Variants in DPY19L3 observed in about 807,000 individuals in gnomAD.
DPY19L3 encodes the protein dpy-19 like C-mannosyltransferase 3.
In DPY19L3, 51 loss-of-function variants were observed where a neutral mutation model predicts 92.3. The observed-to-expected ratio is 0.55, with a 90% CI of 0.44 to 0.70. The LOEUF is 0.70. Among genes scored for constraint, DPY19L3 ranks in the 30% least tolerant of loss-of-function variants. The pLI is 0.00. For synonymous variants in DPY19L3, 309 were observed against 315.2 expected, an observed-to-expected ratio of 0.98 and a Z score of 0.21; for missense variants, 706 against 855.9, an observed-to-expected ratio of 0.82 and a Z score of 2.18.
Position 32,432,817 on chromosome 19 carries a change from C to G in DPY19L3, c.328+11C>G. 6.2e-7 allele frequency: 1 copy of G among 1,612,060 alleles called. No homozygotes were observed. Among genetic ancestry groups the G allele is most frequent in the Admixed American group, 1.7e-5 (1 of 59,920 alleles). ...CAACCCTCGTGCAAGGTAATTACAACTGATAGTTTCATTTGGGGTCTCCTG... is the reference window on the plus strand; with the variant it reads ...CAACCCTCGTGCAAGGTAATTACAAGTGATAGTTTCATTTGGGGTCTCCTG... On this transcript the variant is annotated intron_variant, in intron 4 of 18. Coordinates refer to ENST00000392250, the MANE Select transcript of DPY19L3 (RefSeq NM_001172774.2).
In DPY19L3 at chr19:32,482,246, A is replaced by G; in HGVS notation, c.*6A>G. ...AGCTGTCCAGAAACAAGTAGCGCAG[A>G]TTTCTGCCCAGTGTCTATTTTTGAT... On this transcript the variant is annotated 3_prime_UTR_variant, in exon 19 of 19. Coordinates refer to ENST00000392250, the MANE Select transcript of DPY19L3 (RefSeq NM_001172774.2). The G allele has an allele frequency of 6.2e-7, 1 of 1,606,314 alleles. No homozygotes were observed. Among genetic ancestry groups the G allele is most frequent in the Non-Finnish European group, 8.5e-7 (1 of 1,177,676 alleles).
At chr19:32,432,470 T>G (rs1243612965) in intron 3 of DPY19L3, among the ~76,000 whole-genome samples, 1 of 152,132 alleles carries the variant, frequency 6.6e-6, no homozygotes, top group Non-Finnish European at 1.5e-5. Flanking sequence ...TGGTGATGTA[T>G]TCTTTAAAAT....
intron 12 of DPY19L3, among the ~76,000 whole-genome samples, chr19:32,462,295 AG>A (rs898014418): frequency 5.9e-5 from 9 of 152,194 alleles, no homozygotes; most frequent in African/African-American, 2.2e-4. Context: ...CACAGGACCA[AG>A]GGATGATGAT....
chr19:32,477,584 T>C lies in DPY19L3; in HGVS notation c.1760T>C (p.Leu587Pro). Residue 587 changes from leucine (L) to proline (P), a missense_variant, in exon 17 of 19, where the codon CTG (leucine) becomes CCG (proline). Transcript: ENST00000392250. ...ATGCAGTTGCTGGCCGGAGTCAAGC[T>C]GTGCACGGGAAGGACCCTAACCAAC... is the stretch of plus-strand genomic sequence containing the variant. The part of the protein sequence containing the change: ...GSMQLLAGVK[L>P]CTGRTLTNHP... 6.2e-7 allele frequency: 1 copy of C among 1,614,144 alleles called. No homozygotes were observed. The highest frequency in any genetic ancestry group is 8.5e-7 in the Non-Finnish European group (1 of 1,180,024).
In DPY19L3 at chr19:32,463,483, A is replaced by G; in HGVS notation, c.1440A>G (p.Thr480=). The change falls in exon 13 of 19, where the codon ACA becomes ACG. Residue 480 remains threonine (T), a synonymous_variant. Transcript: ENST00000392250. The stretch of plus-strand genomic sequence containing the variant: ...TGTTTGGATTCTTGGCATTGAGTAC[A>G]ATGAGGTATTTTTGTCTTACCTGTT... The part of the protein sequence containing the change: ...TILFGFLALS[T]MRMKYLWTSH... 4.3e-6 allele frequency: 7 copies of G among 1,612,288 alleles called. No homozygotes were observed. The highest frequency in any genetic ancestry group is 5.1e-6 in the Non-Finnish European group (6 of 1,179,116).
rs770947795 is a variant in DPY19L3, at chr19:32,484,558, C to T, written c.*2318C>T. The T allele has an allele frequency of 6.6e-6, 1 of 152,114 alleles. No homozygotes were observed. The highest frequency in any genetic ancestry group is 1.5e-5 in the Non-Finnish European group (1 of 68,020). The allele number at this position is 152,114 out of a possible 1,614,324, so 9.4% of individuals were successfully genotyped here. A position where few individuals can be genotyped will look rare whatever the true frequency, so the allele number is the denominator to read the frequency against. Reference sequence around the variant, plus strand: ...GCTTCTGAGTTAGCAGTCAGAAGACCCTCTAAGTACAATAGAAGTGCTCTT... The same window carrying T: ...GCTTCTGAGTTAGCAGTCAGAAGACTCTCTAAGTACAATAGAAGTGCTCTT... On this transcript the variant is annotated 3_prime_UTR_variant, in exon 19 of 19. Transcript: ENST00000392250.
intron 12 of DPY19L3, among the ~76,000 whole-genome samples, chr19:32,463,102 TTTTAA>T (rs1034708790): frequency 2.0e-5 from 3 of 152,194 alleles, no homozygotes; most frequent in South Asian, 2.1e-4. Flanking sequence ...TTGCATTCTC[TTTTAA>T]TTTAAAGAAT....
intron 13 of DPY19L3, 40 bp downstream of exon 13, chr19:32,463,528 C>T: frequency 6.3e-7 from 1 of 1,598,594 alleles, no homozygotes. Context: ...TTTATTTGAT[C>T]ACTCTTGATG....
chr19:32,434,446 C>T (rs536313437), intron 4 of DPY19L3, among the ~76,000 whole-genome samples: 113 of 152,216 alleles, frequency 7.4e-4, no homozygotes, highest in African/African-American at 2.4e-3. Flanking sequence ...CACCTGAGGT[C>T]GGGAGTTCGA....
At chr19:32,431,166 G>A (rs1968953643) in intron 3 of DPY19L3, among the ~76,000 whole-genome samples, 1 of 152,114 alleles carries the variant, frequency 6.6e-6, no homozygotes, top group Non-Finnish European at 1.5e-5. Context: ...GATCACCTGA[G>A]GTCGGGAGTT....
chr19:32,481,149 A>G, intron 18 of DPY19L3: 1 of 189,986 alleles, frequency 5.3e-6, no homozygotes, highest in Non-Finnish European at 1.1e-5. Flanking sequence ...GTCTCAGTAG[A>G]GCAAACAGAT....
chr19:32,453,147 G>A lies in DPY19L3; in HGVS notation c.858G>A (p.Ala286=), dbSNP rs371136278. ...DSLDMLPAVK[A]TWLYGIQITS... Reference sequence around the variant, plus strand: ...CATCTAATCTTTGGTTCTTGCAGGCGACATGGCTGTATGGAATACAGATAA... The same window carrying A: ...CATCTAATCTTTGGTTCTTGCAGGCAACATGGCTGTATGGAATACAGATAA... The change falls in exon 9 of 19, where the codon GCG becomes GCA. Residue 286 remains alanine (A), a splice_region_variant and synonymous_variant. Coordinates refer to ENST00000392250, the MANE Select transcript of DPY19L3 (RefSeq NM_001172774.2). The A allele has an allele frequency of 3.8e-5, 62 of 1,613,610 alleles. No individual in the cohort carries two copies. In the African/African-American group the frequency reaches 6.0e-4, roughly 16 times the overall value.
At chr19:32,471,723 G>C (rs560680077) in intron 16 of DPY19L3, among the ~76,000 whole-genome samples, 1 of 152,060 alleles carries the variant, frequency 6.6e-6, no homozygotes, top group Non-Finnish European at 1.5e-5. Flanking sequence ...CTGCTTTAAG[G>C]GTAAATTGAA....
At chr19:32,442,685 G>A (rs1371948780) in intron 8 of DPY19L3, among the ~76,000 whole-genome samples, 1 of 152,144 alleles carries the variant, frequency 6.6e-6, no homozygotes, top group Non-Finnish European at 1.5e-5. Context: ...CAAACAAAAA[G>A]CCTCCTCCCT....
intron 2 of DPY19L3, 70 bp downstream of exon 2, chr19:32,408,426 A>G (rs544751762): frequency 1.1e-4 from 124 of 1,161,158 alleles, no homozygotes; most frequent in African/African-American, 2.0e-4. Context: ...TCACTCTCCA[A>G]TAGGATAAAA....
chr19:32,443,620 TTTG>T lies in DPY19L3; in HGVS notation c.855+3716_855+3718del, dbSNP rs1214628653. On this transcript the variant is annotated intron_variant, in intron 8 of 18. Transcript: ENST00000392250. ...CTCCGGAACTATGAGAAGTAACTTT[TTTG>T]TTGTTTATAAGCTACCCAGATTACG... Among the ~76,000 whole-genome samples, 8 of 152,156 alleles carry T rather than the reference TTTG, an allele frequency of 5.3e-5. 1 individual carries two copies. Among genetic ancestry groups the T allele is most frequent in the Admixed American group, 5.2e-4 (8 of 15,266 alleles).
chr19:32,469,001 C>G (rs1481688088), intron 16 of DPY19L3, 188 bp downstream of exon 16: 3 of 442,504 alleles, frequency 6.8e-6, no homozygotes, highest in Non-Finnish European at 1.1e-5. Flanking sequence ...AATATTCTCT[C>G]CAGCTATATC....
intron 10 of DPY19L3, 135 bp downstream of exon 10, chr19:32,455,175 G>T (rs1011479077): frequency 6.8e-6 from 4 of 591,742 alleles, no homozygotes; most frequent in Admixed American, 4.0e-5. Context: ...TCCTAGGCTG[G>T]CCTTGAACAC....
chr19:32,455,360 T>G (rs1399086283), intron 10 of DPY19L3, among the ~76,000 whole-genome samples: 1 of 152,208 alleles, frequency 6.6e-6, no homozygotes, highest in African/African-American at 2.4e-5. Flanking sequence ...AGTTTTAACT[T>G]TGTCTTAGTA....
Sources: allele counts gnomAD v4.1 joint callset (sites outside exome capture counted in the v4.1 genomes callset), GRCh38; gene constraint gnomAD v4.1.1; transcripts MANE v1.5; gene names NCBI Gene and HGNC (gene_info 2026-07-23, HGNC 2026-07-21).